SLC14A2: variants seen among roughly 807,000 people sequenced by gnomAD.
The protein encoded by SLC14A2 is urea transporter 2.
A neutral mutation model predicts 104.6 loss-of-function variants in SLC14A2; 91 were observed. The ratio of observed to expected loss-of-function variants is 0.87; its 90% CI spans 0.73 to 1.04. The LOEUF (loss-of-function observed/expected upper bound fraction) is 1.04, where lower values mean the gene tolerates loss of function less well. Ranked by LOEUF, SLC14A2 falls within the 50% of genes least tolerant of loss-of-function variation. The pLI, the probability that SLC14A2 is intolerant of heterozygous loss-of-function variation, is 0.00. For missense variants in SLC14A2, 1,189 were observed against 1,156.0 expected (o/e 1.03, Z -0.41); for synonymous variants, 476 against 466.4 (o/e 1.02, Z -0.27).
chr18:45,626,695 G>A (rs868485804), intron 3 of SLC14A2, among the ~76,000 whole-genome samples: 1 of 151,654 alleles, frequency 6.6e-6, no homozygotes, highest in Non-Finnish European at 1.5e-5. Flanking sequence ...CTGGAACAGC[G>A]TTAAATTGTT....
chr18:45,330,906 G>T (rs2085283555), intron 1 of SLC14A2, among the ~76,000 whole-genome samples: 2 of 152,322 alleles, frequency 1.3e-5, no homozygotes, highest in Non-Finnish European at 2.9e-5. Context: ...TTATGTGGTT[G>T]TTGTGAGGAT....
intron 2 of SLC14A2, among the ~76,000 whole-genome samples, chr18:45,555,138 T>C (rs2044113485): frequency 6.6e-6 from 1 of 152,204 alleles, no homozygotes. Context: ...CTATCTCTGG[T>C]TTCTCAGCTA....
At chr18:45,278,903 C>T (rs2084732082) in intron 1 of SLC14A2, among the ~76,000 whole-genome samples, 1 of 152,194 alleles carries the variant, frequency 6.6e-6, no homozygotes, top group African/African-American at 2.4e-5. Context: ...ACTGCACAGC[C>T]ACTGTATGGG....
chr18:45,374,159 A>G (rs1175409312), intron 1 of SLC14A2, among the ~76,000 whole-genome samples: 1 of 152,172 alleles, frequency 6.6e-6, no homozygotes, highest in African/African-American at 2.4e-5. Context: ...AGAACCTGTC[A>G]AAGTACAGGT....
At chr18:45,555,291 T>C (rs1395359110) in intron 2 of SLC14A2, among the ~76,000 whole-genome samples, 2 of 152,320 alleles carry the variant, frequency 1.3e-5, no homozygotes, top group Middle Eastern at 3.4e-3. Flanking sequence ...AATGGTATAA[T>C]ATAGTTTTAT....
At chr18:45,226,419 CAA>C (rs1222464431) in intron 1 of SLC14A2, among the ~76,000 whole-genome samples, 1 of 151,972 alleles carries the variant, frequency 6.6e-6, no homozygotes, top group East Asian at 1.9e-4. Context: ...GGAACCAACC[CAA>C]ATGTCCATCA....
At chr18:45,256,197 A>G (rs2084476476) in intron 1 of SLC14A2, among the ~76,000 whole-genome samples, 1 of 152,120 alleles carries the variant, frequency 6.6e-6, no homozygotes, top group Admixed American at 6.5e-5. Context: ...TAGAGGAAAG[A>G]GGAGAAAACT....
chr18:45,264,123 G>C lies in SLC14A2; in HGVS notation c.-125+50932G>C, dbSNP rs2084567728. On this transcript the variant is annotated intron_variant, in intron 1 of 20. Transcript: ENST00000586448. ...TGAAGAGTATGAATCAAATGTGTCA[G>C]ATCCATCTATCTTCTGTCTAACTAT... Among the ~76,000 whole-genome samples the C allele has an allele frequency of 1.3e-5, 2 of 152,174 alleles. 1 individual carries two copies. The highest frequency in any genetic ancestry group is 2.9e-5 in the Non-Finnish European group (2 of 68,028).
chr18:45,240,069 A>G (rs911568360), intron 1 of SLC14A2, among the ~76,000 whole-genome samples: 3 of 150,962 alleles, frequency 2.0e-5, no homozygotes, highest in Admixed American at 6.6e-5. Flanking sequence ...GTGCTGTAAT[A>G]AACATGAGAG....
At chr18:45,191,564 G>T in the SLC14A2 span, among the ~76,000 whole-genome samples, 6 of 152,188 alleles carry the variant, frequency 3.9e-5, no homozygotes, top group African/African-American at 9.7e-5. Flanking sequence ...GACATATCTT[G>T]GTTCTCAAGT....
At chr18:45,198,354 C>G in the SLC14A2 span, among the ~76,000 whole-genome samples, 1 of 152,118 alleles carries the variant, frequency 6.6e-6, no homozygotes, top group African/African-American at 2.4e-5. Flanking sequence ...TACTCAACCA[C>G]TATCATGAGT....
At chr18:45,252,585 A>T (rs961914878) in intron 1 of SLC14A2, among the ~76,000 whole-genome samples, 1 of 152,226 alleles carries the variant, frequency 6.6e-6, no homozygotes, top group Admixed American at 6.5e-5. Flanking sequence ...TCACTTAAAC[A>T]TCTTGCCTTA....
intron 2 of SLC14A2, among the ~76,000 whole-genome samples, chr18:45,486,094 T>A (rs1293340997): frequency 6.6e-6 from 1 of 152,176 alleles, no homozygotes; most frequent in Non-Finnish European, 1.5e-5. Context: ...GCATACCATC[T>A]AGATAAGTGT....
intron 8 of SLC14A2, 150 bp downstream of exon 8, chr18:45,641,493 C>A: frequency 2.5e-6 from 2 of 810,286 alleles, no homozygotes; most frequent in Non-Finnish European, 3.9e-6. Context: ...CTGCCCTTAA[C>A]AGCTGGGGAT....
chr18:45,462,127 A>G (rs906951565), intron 1 of SLC14A2, among the ~76,000 whole-genome samples: 2 of 152,222 alleles, frequency 1.3e-5, no homozygotes, highest in African/African-American at 4.8e-5. Flanking sequence ...TTCTGTTTTC[A>G]TAATTCCATA....
At chr18:45,215,566 A>G (rs1241523487) in intron 1 of SLC14A2, among the ~76,000 whole-genome samples, 1 of 152,254 alleles carries the variant, frequency 6.6e-6, no homozygotes, top group East Asian at 1.9e-4. Context: ...TGGAGAGGAT[A>G]TTAGTCCCCC....
intron 2 of SLC14A2, among the ~76,000 whole-genome samples, chr18:45,607,345 C>G (rs1290718383): frequency 6.6e-6 from 1 of 152,162 alleles, no homozygotes; most frequent in Non-Finnish European, 1.5e-5. Flanking sequence ...GGTCTGTCAT[C>G]CCATTTTGTC....
chr18:45,189,810 C>CA, the SLC14A2 span, among the ~76,000 whole-genome samples: 220 of 152,210 alleles, frequency 1.4e-3, 1 homozygote, highest in Middle Eastern at 6.8e-3. Flanking sequence ...ATAATGGATG[C>CA]AAAATCACAA....
chr18:45,400,750 C>CTTTA (rs1266031771), intron 1 of SLC14A2, among the ~76,000 whole-genome samples: 3 of 152,114 alleles, frequency 2.0e-5, no homozygotes, highest in Non-Finnish European at 4.4e-5. Context: ...TAGGTAAGAG[C>CTTTA]TTTATTTTCT....
Sources: gnomAD v4.1 joint callset for allele counts (sites outside exome capture counted in the v4.1 genomes callset) on GRCh38, gnomAD v4.1.1 for gene constraint, MANE v1.5 for transcripts, NCBI Gene and HGNC (gene_info 2026-07-23, HGNC 2026-07-21) for gene names.